Variants in ANKRD36 observed in about 807,000 individuals in gnomAD.
ANKRD36 encodes the protein ankyrin repeat domain 36.
Under a neutral mutation model 278.1 loss-of-function variants are expected in ANKRD36, and 179 were observed. The ratio of observed to expected loss-of-function variants is 0.64; its 90% CI spans 0.57 to 0.73. ANKRD36 has a LOEUF of 0.73. Ranked by LOEUF, ANKRD36 falls within the 30% of genes least tolerant of loss-of-function variation. The pLI, the probability that ANKRD36 is intolerant of heterozygous loss-of-function variation, is 0.00. For missense variants in ANKRD36, 1,159 were observed against 1,956.7 expected, an observed-to-expected ratio of 0.59 and a Z score of 7.69; for synonymous variants, 320 against 641.1, an observed-to-expected ratio of 0.50 and a Z score of 7.57.
At chr2:97,156,385 A>G (rs1422101054) in intron 15 of ANKRD36, among the ~76,000 whole-genome samples, 1 of 129,676 alleles carries the variant, frequency 7.7e-6, no homozygotes, top group Admixed American at 7.9e-5. Context: ...CCCACCCCAC[A>G]ACAGTCCCCA....
intron 12 of ANKRD36, among the ~76,000 whole-genome samples, chr2:97,149,863 C>A (rs1157322893): frequency 6.6e-6 from 1 of 151,620 alleles, no homozygotes; most frequent in Non-Finnish European, 1.5e-5. Flanking sequence ...TTTTGCAGAG[C>A]TATTTCTTTA....
In ANKRD36 at chr2:97,220,594, G is replaced by A. The variant is rs1400766932; in HGVS notation, c.3877+1348G>A. On this transcript the variant is annotated intron_variant, in intron 66 of 75. Transcript: ENST00000420699. ...TCTTATTCTTTCACATGGCTGAGCCGTATATGTATCACATTTTTAGAACCC... is the reference window on the plus strand; with the variant it reads ...TCTTATTCTTTCACATGGCTGAGCCATATATGTATCACATTTTTAGAACCC... Among the ~76,000 whole-genome samples the A allele has an allele frequency of 4.3e-4, 65 of 151,702 alleles. 1 individual carries two copies. Among genetic ancestry groups the A allele is most frequent in the Non-Finnish European group, 7.5e-4 (51 of 68,008 alleles).
chr2:97,184,312 C>T (rs1449061385), intron 28 of ANKRD36, among the ~76,000 whole-genome samples: 1 of 151,610 alleles, frequency 6.6e-6, no homozygotes, highest in Non-Finnish European at 1.5e-5. Context: ...GTGCCTCATT[C>T]CTGTTTATTA....
intron 52 of ANKRD36, among the ~76,000 whole-genome samples, chr2:97,207,298 C>A (rs1488896264): frequency 1.3e-5 from 2 of 151,486 alleles, no homozygotes; most frequent in Non-Finnish European, 3.0e-5. Context: ...GAATTTAGGT[C>A]ACTTCCACTG....
intron 68 of ANKRD36, among the ~76,000 whole-genome samples, chr2:97,237,252 CATGTTT>C (rs1164082643): frequency 3.3e-5 from 5 of 151,162 alleles, no homozygotes; most frequent in African/African-American, 1.2e-4. Context: ...CAATCCAATA[CATGTTT>C]AGCCTCCTTC....
chr2:97,198,484 G>A lies in ANKRD36; in HGVS notation c.2675G>A (p.Gly892Asp), dbSNP rs755598474. 1.3e-6 allele frequency: 2 copies of A among 1,580,366 alleles called. No homozygotes were observed. Among genetic ancestry groups the A allele is most frequent in the East Asian group, 4.7e-5 (2 of 42,712 alleles). The change falls in exon 43 of 76, where the codon GGC (glycine) becomes GAC (aspartate). Residue 892 changes from glycine to aspartate, a missense_variant. Transcript: ENST00000420699. ...SRTVSSEKPP[G>D]LKASSAEKDS... ...TCAGTGTCTTCTGAGAAACCACCAG[G>A]CTTGAAGGTAATGAAACTGTCATTT...
rs1320587170 is a variant in ANKRD36 at position 97,206,250 on chromosome 2, G to A, written c.3163+115G>A. On this transcript the variant is annotated intron_variant, in intron 52 of 75. Transcript: ENST00000420699. ...GCTGCACTTTCTGATTCAGCAGGCC[G>A]GAGATTCTTCATTTGTAGTACGTTC... is the stretch of plus-strand genomic sequence containing the variant. 37 of 1,194,388 alleles carry A rather than the reference G, an allele frequency of 3.1e-5. 1 individual carries two copies. Among genetic ancestry groups the A allele is most frequent in the East Asian group, 1.0e-4 (4 of 39,024 alleles). The allele number at this position is 1,194,388 out of a possible 1,614,324, so 74.0% of individuals were successfully genotyped here. A position where few individuals can be genotyped will look rare whatever the true frequency, so the allele number is the denominator to read the frequency against.
intron 6 of ANKRD36, among the ~76,000 whole-genome samples, chr2:97,132,467 G>T (rs1488869940): frequency 6.8e-6 from 1 of 148,082 alleles, no homozygotes; most frequent in Non-Finnish European, 1.5e-5. Context: ...ATTATTTTTT[G>T]GCATAATTAT....
intron 3 of ANKRD36, 122 bp from the exon 4 acceptor site, chr2:97,122,762 GACT>G: frequency 1.2e-6 from 1 of 812,880 alleles, no homozygotes; most frequent in Non-Finnish European, 1.8e-6. Flanking sequence ...AAAAGAAAGG[GACT>G]ACCTCTTATG....
At chr2:97,202,119 G>C in intron 46 of ANKRD36, 83 bp from the exon 47 acceptor site, 1 of 1,591,516 alleles carries the variant, frequency 6.3e-7, no homozygotes, top group Non-Finnish European at 8.5e-7. Flanking sequence ...GGAGGACAGA[G>C]GTTGATTCTA....
At chr2:97,147,181 TTCATGTC>T (rs1215313386) in intron 11 of ANKRD36, among the ~76,000 whole-genome samples, 1 of 151,890 alleles carries the variant, frequency 6.6e-6, no homozygotes, top group Non-Finnish European at 1.5e-5. Flanking sequence ...ATATTTCTAA[TTCATGTC>T]TCTACTTACT....
At chr2:97,169,018 T>C (rs1385848508) in intron 22 of ANKRD36, among the ~76,000 whole-genome samples, 74 of 148,558 alleles carry the variant, frequency 5.0e-4, no homozygotes, top group African/African-American at 1.9e-3. Flanking sequence ...TTCTAGATCC[T>C]TGAGGAATCA....
intron 6 of ANKRD36, among the ~76,000 whole-genome samples, chr2:97,141,079 A>G (rs2042784157): frequency 6.6e-6 from 1 of 151,502 alleles, no homozygotes; most frequent in East Asian, 1.9e-4. Context: ...TTTCTTTAGG[A>G]AAGCTGTGTT....
intron 15 of ANKRD36, among the ~76,000 whole-genome samples, chr2:97,157,500 A>G (rs2438949): frequency 0.74 from 44,473 of 59,920 alleles, 18,390 homozygotes; most frequent in African/African-American, 0.9. Context: ...CTTAGTTACA[A>G]CTTTCTATTT....
intron 67 of ANKRD36, 78 bp downstream of exon 67, chr2:97,224,957 A>G (rs2068944117): frequency 2.0e-6 from 2 of 1,017,758 alleles, no homozygotes; most frequent in Admixed American, 2.9e-5. Context: ...TTTGAAATGA[A>G]TTTACCTTTG....
At chr2:97,147,535 C>G (rs1442817066) in intron 11 of ANKRD36, among the ~76,000 whole-genome samples, 1 of 151,814 alleles carries the variant, frequency 6.6e-6, no homozygotes, top group African/African-American at 2.4e-5. Flanking sequence ...GAACCTGAAA[C>G]TCAAAGAGAG....
intron 24 of ANKRD36, 52 bp downstream of exon 24, chr2:97,179,985 C>A (rs1373794249): frequency 3.8e-6 from 6 of 1,598,754 alleles, no homozygotes; most frequent in Non-Finnish European, 5.1e-6. Context: ...TGGAAGAGAA[C>A]TTCCCTTACC....
chr2:97,125,232 C>A (rs549790577), intron 5 of ANKRD36, among the ~76,000 whole-genome samples: 79 of 151,842 alleles, frequency 5.2e-4, no homozygotes, highest in African/African-American at 1.9e-3. Context: ...ATCCCTCAAT[C>A]TTCATGTTGA....
At chr2:97,243,795 A>C in intron 69 of ANKRD36, 51 bp from the exon 70 acceptor site, 1 of 1,414,576 alleles carries the variant, frequency 7.1e-7, no homozygotes, top group Non-Finnish European at 9.4e-7. Context: ...ATAAAAAATT[A>C]GAGCTTAGTC....
Sources: gnomAD v4.1 joint callset for allele counts (sites outside exome capture counted in the v4.1 genomes callset) on GRCh38, gnomAD v4.1.1 for gene constraint, MANE v1.5 for transcripts, NCBI Gene and HGNC (gene_info 2026-07-23, HGNC 2026-07-21) for gene names.